Variants in RIIAD1 observed in about 807,000 individuals in gnomAD.
RIIAD1 encodes regulatory subunit of type II PKA R-subunit domain containing 1.
RIIAD1 carries 15 observed loss-of-function variants against 13.3 expected under a neutral mutation model. The ratio of observed to expected loss-of-function variants is 1.13; its 90% CI spans 0.76 to 1.74. The LOEUF is 1.74. Among genes scored for constraint, RIIAD1 ranks in the 40% most tolerant of loss-of-function variants. RIIAD1 has a pLI of 0.00. For synonymous variants in RIIAD1, 50 were observed against 43.3 expected (o/e 1.16, Z -0.61); for missense variants, 121 against 112.2 (o/e 1.08, Z -0.35).
rs148732878 is a variant in RIIAD1, at chr1:151,721,945, A to G, written c.85-141A>G. 2,019 of 645,816 alleles carry G rather than the reference A, an allele frequency of 3.1e-3. 2 individuals are homozygous for G. The highest frequency in any genetic ancestry group is 3.9e-3 in the Non-Finnish European group (1,390 of 358,240). The allele number at this position is 645,816 out of a possible 1,614,324, so 40.0% of individuals were successfully genotyped here. A position where few individuals can be genotyped will look rare whatever the true frequency, so the allele number is the denominator to read the frequency against. ...AGAATGATATTTTATCTGTAAGAAG[A>G]TGGGTGGCTTAAACTTTCAAGCATC... On this transcript the variant is annotated intron_variant, in intron 1 of 4. Transcript: ENST00000479191.
upstream of RIIAD1, among the ~76,000 whole-genome samples, chr1:151,718,127 G>C (rs1042941424): frequency 6.6e-6 from 1 of 152,154 alleles, no homozygotes; most frequent in Non-Finnish European, 1.5e-5. Flanking sequence ...CTGAGTCCCA[G>C]GGGCCTCCAT....
At chr1:151,716,970 C>T (rs942765800), upstream of RIIAD1, among the ~76,000 whole-genome samples, 4 of 152,112 alleles carry the variant, frequency 2.6e-5, no homozygotes, top group African/African-American at 9.7e-5. Flanking sequence ...CTTCCCGCCC[C>T]CAGAAGAGCA....
chr1:151,725,107 CTTTT>C (rs71759600), intron 2 of RIIAD1, among the ~76,000 whole-genome samples: 1 of 84,678 alleles, frequency 1.2e-5, no homozygotes, highest in East Asian at 3.2e-4. Flanking sequence ...CGCACCTCGC[CTTTT>C]TTTTTTTTTT....
upstream of RIIAD1, among the ~76,000 whole-genome samples, chr1:151,717,093 G>C (rs889801036): frequency 2.6e-5 from 4 of 152,126 alleles, no homozygotes; most frequent in Non-Finnish European, 4.4e-5. Context: ...CCATTGTTCC[G>C]GGGGCTGGAG....
intron 1 of RIIAD1, 171 bp downstream of exon 1, chr1:151,721,791 A>G: frequency 1.8e-6 from 1 of 567,996 alleles, no homozygotes; most frequent in South Asian, 2.6e-5. Flanking sequence ...GTCTGATCCC[A>G]GCACAGAGCG....
chr1:151,715,597 TCATC>T (rs1673411680), intron 4 of RIIAD1: 2 of 1,425,060 alleles, frequency 1.4e-6, no homozygotes, highest in Non-Finnish European at 1.9e-6. Context: ...TTTCTTGAGT[TCATC>T]CCATGACATC....
chr1:151,718,941 C>G (rs1673688413), upstream of RIIAD1, among the ~76,000 whole-genome samples: 1 of 152,184 alleles, frequency 6.6e-6, no homozygotes, highest in Admixed American at 6.5e-5. Context: ...CCCTGTTGAT[C>G]TCATTACTCT....
At chr1:151,715,445 T>C (rs1673395933) in intron 4 of RIIAD1, among the ~76,000 whole-genome samples, 1 of 152,048 alleles carries the variant, frequency 6.6e-6, no homozygotes, top group African/African-American at 2.4e-5. Context: ...CTTTCCACAT[T>C]GAACACCTGA....
upstream of RIIAD1, chr1:151,719,756 CCT>C: frequency 1.6e-6 from 1 of 644,358 alleles, no homozygotes; most frequent in Non-Finnish European, 2.8e-6. Context: ...AAAAGTAGCC[CCT>C]CTCATACATG....
intron 4 of RIIAD1, 148 bp downstream of exon 4, chr1:151,729,041 G>T: frequency 1.7e-6 from 1 of 588,788 alleles, no homozygotes; most frequent in Non-Finnish European, 3.0e-6. Flanking sequence ...TACTGTTTTG[G>T]GGAATTAGGG....
At chr1:151,723,840 C>A (rs1197237953) in intron 2 of RIIAD1, among the ~76,000 whole-genome samples, 2 of 152,168 alleles carry the variant, frequency 1.3e-5, no homozygotes, top group African/African-American at 4.8e-5. Context: ...AGGGATAAGC[C>A]TTGGGCAAAA....
At chr1:151,717,133 T>TG (rs1673546168), upstream of RIIAD1, among the ~76,000 whole-genome samples, 1 of 151,566 alleles carries the variant, frequency 6.6e-6, no homozygotes, top group African/African-American at 2.4e-5. Flanking sequence ...ACTCAGCAGA[T>TG]GGGGGGTGGC....
chr1:151,717,057 T>C (rs1347659689), upstream of RIIAD1, among the ~76,000 whole-genome samples: 1 of 152,024 alleles, frequency 6.6e-6, no homozygotes, highest in Non-Finnish European at 1.5e-5. Flanking sequence ...AGATGGAGAA[T>C]TTATAGAGGA....
chr1:151,716,648 C>G (rs1673498575), upstream of RIIAD1: 1 of 358,408 alleles, frequency 2.8e-6, no homozygotes, highest in African/African-American at 2.2e-5. Flanking sequence ...CCCTGCCGCC[C>G]CCCTTCAGGT....
chr1:151,722,107 G>C lies in RIIAD1; in HGVS notation c.106G>C (p.Glu36Gln). Reference protein sequence around the residue: ...KFKIQTRIANEKYLRTHKEVE... With the variant: ...KFKIQTRIANQKYLRTHKEVE... ...CCAGATTCAGACTCGGATTGCTAAC[G>C]AAAAGTACCTAAGGACCCACAAAGA... Residue 36 changes from glutamate to glutamine, a missense_variant, in exon 2 of 5, where the codon GAA becomes CAA. Transcript: ENST00000479191. 1 of 1,551,282 alleles carries C rather than the reference G, an allele frequency of 6.4e-7. No individual in the cohort carries two copies. The highest frequency in any genetic ancestry group is 8.7e-7 in the Non-Finnish European group (1 of 1,146,688).
At chr1:151,726,726 A>T (rs1242535886) in intron 2 of RIIAD1, among the ~76,000 whole-genome samples, 1 of 152,236 alleles carries the variant, frequency 6.6e-6, no homozygotes, top group Non-Finnish European at 1.5e-5. Context: ...ATGAACCATA[A>T]AACTCTATGC....
At chr1:151,722,010 G>T (rs1673745660) in intron 1 of RIIAD1, 76 bp from the exon 2 acceptor site, 1 of 1,035,726 alleles carries the variant, frequency 9.7e-7, no homozygotes, top group South Asian at 1.4e-5. Flanking sequence ...GCCGTTTCCC[G>T]CAGCCCTTCA....
intron 4 of RIIAD1, among the ~76,000 whole-genome samples, chr1:151,715,141 G>A (rs1673367318): frequency 6.6e-6 from 1 of 152,060 alleles, no homozygotes; most frequent in African/African-American, 2.4e-5. Context: ...GAGAAGGGAA[G>A]GGAAGAACAG....
intron 2 of RIIAD1, among the ~76,000 whole-genome samples, chr1:151,725,266 A>G (rs1673807826): frequency 6.6e-6 from 1 of 151,630 alleles, no homozygotes; most frequent in South Asian, 2.1e-4. Context: ...GCCTGCCACC[A>G]GGCCCGGCTA....
Sources: gnomAD v4.1 joint callset for allele counts (sites outside exome capture counted in the v4.1 genomes callset) on GRCh38, gnomAD v4.1.1 for gene constraint, MANE v1.5 for transcripts, NCBI Gene and HGNC (gene_info 2026-07-23, HGNC 2026-07-21) for gene names.